MACROD2: variants seen among roughly 807,000 people sequenced by gnomAD.
The protein encoded by MACROD2 is ADP-ribose glycohydrolase MACROD2.
A neutral mutation model predicts 70.4 loss-of-function variants in MACROD2; 36 were observed. That is an observed-to-expected ratio of 0.51 (90% CI 0.39 to 0.68). MACROD2 has a LOEUF of 0.68. Ranked by LOEUF, MACROD2 falls within the 30% of genes least tolerant of loss-of-function variation. The probability of loss-of-function intolerance (pLI) is 0.00; values close to 1 mark genes in which losing one functional copy is unlikely to be tolerated. For synonymous variants in MACROD2, 172 were observed against 178.8 expected (o/e 0.96, Z 0.30); for missense variants, 496 against 538.4 (o/e 0.92, Z 0.78).
intron 5 of MACROD2, among the ~76,000 whole-genome samples, chr20:15,098,697 G>T (rs1227481449): frequency 6.6e-6 from 1 of 152,226 alleles, no homozygotes; most frequent in Non-Finnish European, 1.5e-5. Flanking sequence ...TCAAATAAAA[G>T]AAGTTATGAT....
chr20:16,021,951 T>A (rs2147555195), intron 15 of MACROD2, among the ~76,000 whole-genome samples: 2 of 152,320 alleles, frequency 1.3e-5, no homozygotes, highest in Non-Finnish European at 2.9e-5. Context: ...ATAAAGTGCT[T>A]TTCCAGAAAT....
At chr20:15,624,217 G>A (rs1342569498) in intron 8 of MACROD2, among the ~76,000 whole-genome samples, 1 of 152,204 alleles carries the variant, frequency 6.6e-6, no homozygotes, top group Non-Finnish European at 1.5e-5. Flanking sequence ...AGTGCCAGAA[G>A]ACTCAGCAAG....
chr20:14,533,333 C>T (rs1002259914), intron 4 of MACROD2, among the ~76,000 whole-genome samples: 3 of 152,132 alleles, frequency 2.0e-5, no homozygotes, highest in Admixed American at 2.0e-4. Flanking sequence ...AATTCTGAAT[C>T]GCTAACAAAA....
intron 5 of MACROD2, among the ~76,000 whole-genome samples, chr20:15,201,976 G>A (rs1396284374): frequency 2.0e-5 from 3 of 152,138 alleles, no homozygotes; most frequent in Non-Finnish European, 2.9e-5. Context: ...CAGGACCCAC[G>A]GAAGGGGCAC....
At chr20:15,377,416 T>A (rs1016218577) in intron 6 of MACROD2, among the ~76,000 whole-genome samples, 1 of 152,212 alleles carries the variant, frequency 6.6e-6, no homozygotes, top group Non-Finnish European at 1.5e-5. Flanking sequence ...TATCCTCAGA[T>A]AAAATTGAGA....
intron 6 of MACROD2, among the ~76,000 whole-genome samples, chr20:15,331,320 A>G (rs933691544): frequency 2.0e-5 from 3 of 151,660 alleles, no homozygotes; most frequent in Non-Finnish European, 4.4e-5. Flanking sequence ...TAATTTTTAA[A>G]CTTCTGTTAT....
intron 2 of MACROD2, among the ~76,000 whole-genome samples, chr20:14,021,694 A>G (rs1468647490): frequency 6.6e-6 from 1 of 152,254 alleles, no homozygotes; most frequent in African/African-American, 2.4e-5. Flanking sequence ...TTTGGCTAGA[A>G]CTAGGTGATA....
At chr20:15,625,404 A>T (rs528650259) in intron 8 of MACROD2, among the ~76,000 whole-genome samples, 17 of 152,328 alleles carry the variant, frequency 1.1e-4, no homozygotes, top group South Asian at 6.2e-4. Flanking sequence ...AAAGAGGAAG[A>T]TGGATATGGA....
intron 3 of MACROD2, among the ~76,000 whole-genome samples, chr20:14,186,839 A>C (rs1479782938): frequency 6.6e-6 from 1 of 152,178 alleles, no homozygotes; most frequent in Non-Finnish European, 1.5e-5. Context: ...GTGAACTAAC[A>C]CAGAAATAGA....
chr20:15,243,890 C>A (rs2077082755), intron 6 of MACROD2, among the ~76,000 whole-genome samples: 2 of 151,864 alleles, frequency 1.3e-5, no homozygotes, highest in Admixed American at 1.3e-4. Context: ...TACGCCACTG[C>A]ACTCCAGCCT....
At chr20:15,607,775 C>T (rs932579189) in intron 8 of MACROD2, among the ~76,000 whole-genome samples, 7 of 152,162 alleles carry the variant, frequency 4.6e-5, no homozygotes, top group South Asian at 2.1e-4. Flanking sequence ...CTCAGGTGAT[C>T]TACCCGCCTC....
At chr20:15,584,489 C>T (rs527527542) in intron 8 of MACROD2, among the ~76,000 whole-genome samples, 22 of 152,146 alleles carry the variant, frequency 1.4e-4, no homozygotes, top group African/African-American at 5.1e-4. Flanking sequence ...ATTGATATTA[C>T]AGTTGACAAT....
chr20:15,885,164 G>A (rs1041335074), intron 9 of MACROD2, among the ~76,000 whole-genome samples: 2 of 152,112 alleles, frequency 1.3e-5, no homozygotes, highest in Non-Finnish European at 2.9e-5. Flanking sequence ...GTCATCTATA[G>A]TGCAGAGGAA....
At chr20:14,195,906 C>T (rs369212296) in intron 3 of MACROD2, among the ~76,000 whole-genome samples, 107 of 152,292 alleles carry the variant, frequency 7.0e-4, no homozygotes, top group South Asian at 2.9e-3. Context: ...GCCAGAACCT[C>T]GGGATACAGA....
At chr20:15,988,584 T>C (rs191724700) in intron 15 of MACROD2, among the ~76,000 whole-genome samples, 20 of 152,292 alleles carry the variant, frequency 1.3e-4, no homozygotes, top group Non-Finnish European at 8.8e-5. Context: ...ACTACTCTGA[T>C]GACTGAAGAA....
At chr20:14,141,141 C>T (rs1407268808) in intron 3 of MACROD2, among the ~76,000 whole-genome samples, 1 of 152,168 alleles carries the variant, frequency 6.6e-6, no homozygotes, top group Admixed American at 6.5e-5. Context: ...TGGAATTTTA[C>T]ACCTATTTAG....
intron 3 of MACROD2, among the ~76,000 whole-genome samples, chr20:14,141,637 C>T (rs1310238192): frequency 3.4e-5 from 5 of 149,174 alleles, no homozygotes; most frequent in South Asian, 2.2e-4. Context: ...CCCAGCTACT[C>T]GGGAGGCGGA....
At chr20:15,716,240 G>T (rs1209346767) in intron 8 of MACROD2, among the ~76,000 whole-genome samples, 1 of 152,076 alleles carries the variant, frequency 6.6e-6, no homozygotes, top group Non-Finnish European at 1.5e-5. Context: ...ACGTTATTTG[G>T]CAATTGAAAG....
In MACROD2 at chr20:15,275,104, G is replaced by A. The variant is rs1600182456; in HGVS notation, c.540+45043G>A. On this transcript the variant is annotated intron_variant, in intron 6 of 17. Transcript: ENST00000684519. Reference sequence around the variant, plus strand: ...GAATTAGGCTAGATGATCCCATAGGGAACTTGTAAAAGTTAACTATGCCCA... The same window carrying A: ...GAATTAGGCTAGATGATCCCATAGGAAACTTGTAAAAGTTAACTATGCCCA... Among the ~76,000 whole-genome samples the A allele has an allele frequency of 3.3e-5, 5 of 152,294 alleles. No individual in the cohort carries two copies. In the East Asian group the frequency reaches 9.6e-4, roughly 29 times the overall value.
Sources: allele counts gnomAD v4.1 joint callset (sites outside exome capture counted in the v4.1 genomes callset), GRCh38; gene constraint gnomAD v4.1.1; transcripts MANE v1.5; gene names NCBI Gene and HGNC (gene_info 2026-07-23, HGNC 2026-07-21).